Variants in UBQLN3 observed in about 807,000 individuals in gnomAD.
UBQLN3 encodes ubiquilin-3.
In UBQLN3, 1 loss-of-function variant was observed where a neutral mutation model predicts 2.9. The observed-to-expected ratio is 0.35, with a 90% CI of 0.12 to 1.66. The LOEUF (loss-of-function observed/expected upper bound fraction) is 1.66. Among genes scored for constraint, UBQLN3 ranks in the 40% most tolerant of loss-of-function variants. The pLI is 0.35. For missense variants in UBQLN3, 924 were observed against 816.5 expected (o/e 1.13, Z -1.61); for synonymous variants, 358 against 317.6 (o/e 1.13, Z -1.35).
chr11:5,508,115 A>T lies in UBQLN3; in HGVS notation c.1444T>A (p.Tyr482Asn). 4.3e-6 allele frequency: 7 copies of T among 1,614,190 alleles called. No individual in the cohort carries two copies. The highest frequency in any genetic ancestry group is 5.9e-6 in the Non-Finnish European group (7 of 1,180,034). Reference protein sequence around the residue: ...PEPPWLPSPAYPRSLRPDGMN... With the variant: ...PEPPWLPSPANPRSLRPDGMN... Reference sequence around the variant, plus strand: ...CCATCTGGCCTCAGAGATCTTGGATAAGCCGGGGATGGCAGCCAGGGAGGC... The same window carrying T: ...CCATCTGGCCTCAGAGATCTTGGATTAGCCGGGGATGGCAGCCAGGGAGGC... Residue 482 changes from tyrosine (Y) to asparagine (N), a missense_variant, in exon 2 of 2, where the codon TAT (tyrosine) becomes AAT (asparagine). Tyr to Asn is a moderately radical substitution (Grantham distance 143, BLOSUM62 -2). Coordinates refer to ENST00000311659, the MANE Select transcript of UBQLN3 (RefSeq NM_017481.4). The surrounding 1 kb of genome is among the most constrained non-coding windows in gnomAD (Gnocchi z 4.2).
Position 5,508,407 on chromosome 11 carries a change from T to A in UBQLN3, c.1152A>T (p.Ser384=). The A allele has an allele frequency of 6.2e-7, 1 of 1,600,640 alleles. No homozygotes were observed. Among genetic ancestry groups the A allele is most frequent in the Non-Finnish European group, 8.5e-7 (1 of 1,173,636 alleles). Residue 384 remains serine (S), a synonymous_variant, in exon 2 of 2, where the codon TCA becomes TCT. Coordinates refer to ENST00000311659, the MANE Select transcript of UBQLN3 (RefSeq NM_017481.4). The surrounding 1 kb of genome is among the most constrained non-coding windows in gnomAD (Gnocchi z 4.2). ...CTGACCCAGGCTCCTGAGATGAGGGTGACGATGGGGGAACTCTGTTTACTG... is the reference window on the plus strand; with the variant it reads ...CTGACCCAGGCTCCTGAGATGAGGGAGACGATGGGGGAACTCTGTTTACTG... ...PPSVNRVPPS[S]PSSQEPGSGQ... is the part of the protein sequence containing the mutation.
chr11:5,508,358 C>T lies in UBQLN3; in HGVS notation c.1201G>A (p.Val401Ile). Residue 401 changes from valine (V) to isoleucine (I), a missense_variant, in exon 2 of 2, where the codon GTA becomes ATA. Coordinates refer to ENST00000311659, the MANE Select transcript of UBQLN3 (RefSeq NM_017481.4). This position sits in a 1 kb window ranked among gnomAD's most constrained non-coding sequence, Gnocchi z 4.2. ...GSGQPLPEES[V>I]AIKGRSSCPA... ...CAGGAGGACCTTCCCTTGATTGCTA[C>T]TGACTCCTCGGGGAGAGGCTGGCCT... 1 of 1,606,446 alleles carries T rather than the reference C, an allele frequency of 6.2e-7. No individual in the cohort carries two copies. Among genetic ancestry groups the T allele is most frequent in the Non-Finnish European group, 8.5e-7 (1 of 1,175,394 alleles).
At chr11:5,509,701 G>A in intron 1 of UBQLN3, 107 bp from the exon 2 acceptor site, 1 of 1,367,474 alleles carries the variant, frequency 7.3e-7, no homozygotes, top group South Asian at 1.5e-5. Context: ...GAAATCTGCA[G>A]GGTCTACATG....
At position 5,508,506 on chromosome 11, in the gene UBQLN3, C is replaced by A. The variant is rs1196294924; in HGVS notation, c.1053G>T (p.Glu351Asp). ...RLYDYLQQLH[E>D]NPQSLGTYLQ... ...GATAAGTTCCTAGGGACTGGGGGTT[C>A]TCGTGTAATTGCTGGAGATAGTCAT... Residue 351 changes from glutamate to aspartate, a missense_variant, in exon 2 of 2, where the codon GAG (glutamate) becomes GAT (aspartate). Glu to Asp is a conservative substitution (Grantham distance 45). Transcript: ENST00000311659. The surrounding 1 kb of genome is among the most constrained non-coding windows in gnomAD (Gnocchi z 4.2). The A allele has an allele frequency of 6.2e-7, 1 of 1,613,924 alleles. No homozygotes were observed. Among genetic ancestry groups the A allele is most frequent in the Non-Finnish European group, 8.5e-7 (1 of 1,179,988 alleles).
chr11:5,507,955 G>C lies in UBQLN3; in HGVS notation c.1604C>G (p.Ala535Gly). Residue 535 changes from alanine to glycine, a missense_variant, in exon 2 of 2, where the codon GCT (alanine) becomes GGT (glycine). Ala to Gly is a moderately conservative substitution (Grantham distance 60, BLOSUM62 0). Coordinates refer to ENST00000311659, the MANE Select transcript of UBQLN3 (RefSeq NM_017481.4). ...GAGTAGGAGGCGAGGTGCTTCAGTAGCTAGGACCTGTAGACCCTGCTCAAT... is the reference window on the plus strand; with the variant it reads ...GAGTAGGAGGCGAGGTGCTTCAGTACCTAGGACCTGTAGACCCTGCTCAAT... ...RQIEQGLQVL[A>G]TEAPRLLLWF... 1 of 1,613,992 alleles carries C rather than the reference G, an allele frequency of 6.2e-7. No individual in the cohort carries two copies. The highest frequency in any genetic ancestry group is 1.1e-5 in the South Asian group (1 of 91,082).
Position 5,507,503 on chromosome 11 carries a change from C to G in UBQLN3, c.*88G>C. The G allele has an allele frequency of 1.3e-6, 2 of 1,513,588 alleles. No individual in the cohort carries two copies. The highest frequency in any genetic ancestry group is 1.8e-6 in the Non-Finnish European group (2 of 1,132,324). The allele number at this position is 1,513,588 out of a possible 1,614,324, so 93.8% of individuals were successfully genotyped here. A position where few individuals can be genotyped will look rare whatever the true frequency, so the allele number is the denominator to read the frequency against. ...TTCATAGTAAATTTGGTTTATAATG[C>G]AGCTGTATTCAAAAATGGGAGAGCT... On this transcript the variant is annotated 3_prime_UTR_variant, in exon 2 of 2. Coordinates refer to ENST00000311659, the MANE Select transcript of UBQLN3 (RefSeq NM_017481.4).
At position 5,507,914 on chromosome 11, in the gene UBQLN3, G is replaced by C. The variant is rs777830628; in HGVS notation, c.1645C>G (p.Leu549Val). The part of the protein sequence containing the change: ...PRLLLWFMPC[L>V]AGTGSVAGGI... ...CCTGCCACACTACCCGTCCCTGCTA[G>C]GCAAGGCATGAACCAGAGTAGGAGG... Residue 549 changes from leucine to valine, a missense_variant, in exon 2 of 2, where the codon CTA becomes GTA. Transcript: ENST00000311659. 2.5e-6 allele frequency: 4 copies of C among 1,613,736 alleles called. No homozygotes were observed. Among genetic ancestry groups the C allele is most frequent in the Non-Finnish European group, 8.5e-7 (1 of 1,179,984 alleles).
At chr11:5,509,738 G>C in intron 1 of UBQLN3, 136 bp downstream of exon 1, 1 of 1,032,290 alleles carries the variant, frequency 9.7e-7, no homozygotes, top group South Asian at 1.8e-5. Flanking sequence ...TTCTGGGGCA[G>C]GATGCTTTAG....
At position 5,508,925 on chromosome 11, in the gene UBQLN3, T is replaced by G; in HGVS notation, c.634A>C (p.Asn212His). The change falls in exon 2 of 2, where the codon AAC becomes CAC. Residue 212 changes from asparagine to histidine, a missense_variant. Physicochemically the swap from Asn to His is moderately conservative, Grantham distance 68. Transcript: ENST00000311659. The surrounding 1 kb of genome is among the most constrained non-coding windows in gnomAD (Gnocchi z 4.2). ...GTCTGCCGCATAATTTCCGGGTTGT[T>G]AAGAATATGCCCAATCTCAGGGTTG... is the stretch of plus-strand genomic sequence containing the variant. The part of the protein sequence containing the change: ...QHNPEIGHIL[N>H]NPEIMRQTLE... 6.2e-7 allele frequency: 1 copy of G among 1,614,154 alleles called. No homozygotes were observed. Among genetic ancestry groups the G allele is most frequent in the Non-Finnish European group, 8.5e-7 (1 of 1,180,024 alleles).
In UBQLN3 at chr11:5,507,865, G is replaced by T. The variant is rs1477036727; in HGVS notation, c.1694C>A (p.Pro565His). The change falls in exon 2 of 2, where the codon CCC (proline) becomes CAC (histidine). Residue 565 changes from proline (P) to histidine (H), a missense_variant. Pro to His is a moderately conservative substitution (Grantham distance 77). Coordinates refer to ENST00000311659, the MANE Select transcript of UBQLN3 (RefSeq NM_017481.4). The part of the protein sequence containing the change: ...VAGGIESRED[P>H]LMSEDPLPNP... ...TGGGAGAGGATCCTCAGACATAAGG[G>T]GATCTTCTCTAGACTCTATACCTCC... 6.2e-7 allele frequency: 1 copy of T among 1,613,820 alleles called. No individual in the cohort carries two copies. The highest frequency in any genetic ancestry group is 1.7e-5 in the Admixed American group (1 of 60,022).
At position 5,507,893 on chromosome 11, in the gene UBQLN3, C is replaced by T. The variant is rs1238107597; in HGVS notation, c.1666G>A (p.Ala556Thr). ...MPCLAGTGSV[A>T]GGIESREDPL... ...TCTTCTCTAGACTCTATACCTCCTGCCACACTACCCGTCCCTGCTAGGCAA... is the reference window on the plus strand; with the variant it reads ...TCTTCTCTAGACTCTATACCTCCTGTCACACTACCCGTCCCTGCTAGGCAA... Residue 556 changes from alanine to threonine, a missense_variant, in exon 2 of 2, where the codon GCA becomes ACA. Ala to Thr is a moderately conservative substitution (Grantham distance 58). Coordinates refer to ENST00000311659, the MANE Select transcript of UBQLN3 (RefSeq NM_017481.4). The T allele has an allele frequency of 6.2e-7, 1 of 1,613,842 alleles. No homozygotes were observed. The highest frequency in any genetic ancestry group is 1.7e-5 in the Admixed American group (1 of 60,032).
rs779823056 is a variant in UBQLN3, at chr11:5,509,196, G to A, written c.363C>T (p.Ser121=). The A allele has an allele frequency of 1.2e-6, 2 of 1,614,054 alleles. No homozygotes were observed. Among genetic ancestry groups the A allele is most frequent in the Non-Finnish European group, 1.7e-6 (2 of 1,179,944 alleles). Residue 121 remains serine, a synonymous_variant, in exon 2 of 2, where the codon AGC becomes AGT. Transcript: ENST00000311659. ...GPSPGSLPQP[S]SIYPADGPPA... The stretch of plus-strand genomic sequence containing the variant: ...GGGGCCCATCTGCTGGGTAAATGGA[G>A]CTTGGCTGAGGGAGTGATCCAGGAC...
At position 5,508,290 on chromosome 11, in the gene UBQLN3, T is replaced by C. The variant is rs567893872; in HGVS notation, c.1269A>G (p.Gln423=). The change falls in exon 2 of 2, where the codon CAA becomes CAG. Residue 423 remains glutamine, a synonymous_variant. Transcript: ENST00000311659. This position sits in a 1 kb window ranked among gnomAD's most constrained non-coding sequence, Gnocchi z 4.2. ...LRYPTENSTG[Q]GGDQDGAGKS... The stretch of plus-strand genomic sequence containing the variant: ...TCCCTGCACCATCTTGGTCTCCACC[T>C]TGTCCAGTACTGTTCTCTGTGGGGT... 11 of 1,613,976 alleles carry C rather than the reference T, an allele frequency of 6.8e-6. No homozygotes were observed. Among genetic ancestry groups the C allele is most frequent in the Non-Finnish European group, 9.3e-6 (11 of 1,180,016 alleles).
Position 5,507,417 on chromosome 11 carries a change from T to C in UBQLN3, c.*174A>G, listed in dbSNP as rs1846391970. 2.3e-6 allele frequency: 3 copies of C among 1,326,834 alleles called. No individual in the cohort carries two copies. The highest frequency in any genetic ancestry group is 3.0e-6 in the Non-Finnish European group (3 of 1,004,974). The allele number at this position is 1,326,834 out of a possible 1,614,324, so 82.2% of individuals were successfully genotyped here. A position where few individuals can be genotyped will look rare whatever the true frequency, so the allele number is the denominator to read the frequency against. On this transcript the variant is annotated 3_prime_UTR_variant, in exon 2 of 2. Coordinates refer to ENST00000311659, the MANE Select transcript of UBQLN3 (RefSeq NM_017481.4). Reference sequence around the variant, plus strand: ...TGACTCACACACAGCACCTCCACTATGTTTTGGCCATTAGTCTTCCTCGTT... The same window carrying C: ...TGACTCACACACAGCACCTCCACTACGTTTTGGCCATTAGTCTTCCTCGTT...
chr11:5,508,392 C>T lies in UBQLN3; in HGVS notation c.1167G>A (p.Glu389=). 6.2e-7 allele frequency: 1 copy of T among 1,601,596 alleles called. No homozygotes were observed. The highest frequency in any genetic ancestry group is 8.5e-7 in the Non-Finnish European group (1 of 1,174,184). Residue 389 remains glutamate (E), a synonymous_variant, in exon 2 of 2, where the codon GAG becomes GAA. Coordinates refer to ENST00000311659, the MANE Select transcript of UBQLN3 (RefSeq NM_017481.4). The surrounding 1 kb of genome is among the most constrained non-coding windows in gnomAD (Gnocchi z 4.2). ...CGGGGAGAGGCTGGCCTGACCCAGG[C>T]TCCTGAGATGAGGGTGACGATGGGG... The part of the protein sequence containing the change: ...RVPPSSPSSQ[E]PGSGQPLPEE...
chr11:5,507,887 C>A lies in UBQLN3; in HGVS notation c.1672G>T (p.Gly558Cys). 6.2e-7 allele frequency: 1 copy of A among 1,613,842 alleles called. No individual in the cohort carries two copies. The highest frequency in any genetic ancestry group is 8.5e-7 in the Non-Finnish European group (1 of 1,180,048). Reference sequence around the variant, plus strand: ...AGGGGATCTTCTCTAGACTCTATACCTCCTGCCACACTACCCGTCCCTGCT... The same window carrying A: ...AGGGGATCTTCTCTAGACTCTATACATCCTGCCACACTACCCGTCCCTGCT... ...CLAGTGSVAG[G>C]IESREDPLMS... Residue 558 changes from glycine (G) to cysteine (C), a missense_variant, in exon 2 of 2, where the codon GGT becomes TGT. Physicochemically the swap from Gly to Cys is radical, Grantham distance 159. Coordinates refer to ENST00000311659, the MANE Select transcript of UBQLN3 (RefSeq NM_017481.4).
rs904190001 is a variant in UBQLN3 at position 5,509,891 on chromosome 11, G to A, written c.-54C>T. The A allele has an allele frequency of 4.9e-5, 12 of 244,048 alleles. No individual in the cohort carries two copies. Among genetic ancestry groups the A allele is most frequent in the East Asian group, 9.9e-5 (1 of 10,146 alleles). The allele number at this position is 244,048 out of a possible 1,614,324, so 15.1% of individuals were successfully genotyped here. The stretch of plus-strand genomic sequence containing the variant: ...GTACATACCAGTCAGCTGTGGTCCC[G>A]TCCTTCTCTTTATGCAGGGCTCCAA... On this transcript the variant is annotated 5_prime_UTR_variant, in exon 1 of 2. It adds an upstream start codon to the 5' untranslated region. Coordinates refer to ENST00000311659, the MANE Select transcript of UBQLN3 (RefSeq NM_017481.4).
chr11:5,508,299 A>T lies in UBQLN3; in HGVS notation c.1260T>A (p.Ser420Arg), dbSNP rs1356434237. The T allele has an allele frequency of 6.2e-7, 1 of 1,613,306 alleles. No individual in the cohort carries two copies. The highest frequency in any genetic ancestry group is 8.5e-7 in the Non-Finnish European group (1 of 1,179,458). The change falls in exon 2 of 2, where the codon AGT becomes AGA. Residue 420 changes from serine (S) to arginine (R), a missense_variant. Physicochemically the swap from Ser to Arg is moderately radical, Grantham distance 110. Transcript: ENST00000311659. This position sits in a 1 kb window ranked among gnomAD's most constrained non-coding sequence, Gnocchi z 4.2. ...CATCTTGGTCTCCACCTTGTCCAGT[A>T]CTGTTCTCTGTGGGGTATCTCAGGA... ...PAFLRYPTEN[S>R]TGQGGDQDGA...
Position 5,507,418 on chromosome 11 carries a change from G to T in UBQLN3, c.*173C>A. On this transcript the variant is annotated 3_prime_UTR_variant, in exon 2 of 2. Transcript: ENST00000311659. The stretch of plus-strand genomic sequence containing the variant: ...GACTCACACACAGCACCTCCACTAT[G>T]TTTTGGCCATTAGTCTTCCTCGTTG... 7.5e-7 allele frequency: 1 copy of T among 1,335,850 alleles called. No individual in the cohort carries two copies. Among genetic ancestry groups the T allele is most frequent in the Non-Finnish European group, 9.9e-7 (1 of 1,011,876 alleles). 82.7% of individuals were successfully genotyped at this position (1,335,850 alleles called of 1,614,324 possible). A position where few individuals can be genotyped will look rare whatever the true frequency, so the allele number is the denominator to read the frequency against.
Sources: gnomAD v4.1 joint callset for allele counts on GRCh38, gnomAD v4.1.1 for gene constraint, Gnocchi (gnomAD v3.1) non-coding constraint, MANE v1.5 for transcripts, NCBI Gene and HGNC (gene_info 2026-07-23, HGNC 2026-07-21) for gene names.